The following GRID2 variants were observed in gnomAD, a reference collection of about 807,000 sequenced individuals.
The protein encoded by GRID2 is glutamate receptor ionotropic, delta-2.
Under a neutral mutation model 114.8 loss-of-function variants are expected in GRID2, and 33 were observed. The observed-to-expected ratio is 0.29, with a 90% CI of 0.22 to 0.38. GRID2 has a LOEUF of 0.38. GRID2 is among the 10% of genes least tolerant of loss of function. GRID2 has a pLI of 1.00. For synonymous variants in GRID2, 505 were observed against 449.9 expected (o/e 1.12, Z -1.55); for missense variants, 1,184 against 1,257.7 (o/e 0.94, Z 0.89).
chr4:93,188,587 A>G (rs2149444413), intron 4 of GRID2, among the ~76,000 whole-genome samples: 1 of 152,296 alleles, frequency 6.6e-6, no homozygotes, highest in Admixed American at 6.5e-5. Flanking sequence ...TATCAAATAC[A>G]AACAGTGGAA....
intron 5 of GRID2, among the ~76,000 whole-genome samples, chr4:93,208,549 A>G (rs951386048): frequency 2.0e-5 from 3 of 152,018 alleles, no homozygotes; most frequent in Non-Finnish European, 2.9e-5. Flanking sequence ...TATTCTCTGA[A>G]GTACTGAGGG....
At chr4:93,016,976 C>T (rs1007295061) in intron 2 of GRID2, among the ~76,000 whole-genome samples, 1 of 151,854 alleles carries the variant, frequency 6.6e-6, no homozygotes, top group Admixed American at 6.6e-5. Flanking sequence ...GGTAATTGCA[C>T]AGAAAAGATG....
chr4:92,687,785 C>T (rs1733985422), intron 2 of GRID2, among the ~76,000 whole-genome samples: 1 of 151,846 alleles, frequency 6.6e-6, no homozygotes, highest in African/African-American at 2.4e-5. Context: ...GCCAAGATTG[C>T]ACCACTGCAC....
chr4:93,152,696 G>A (rs774522857), intron 4 of GRID2, among the ~76,000 whole-genome samples: 2 of 152,028 alleles, frequency 1.3e-5, no homozygotes, highest in African/African-American at 2.4e-5. Context: ...GCTTTGCATG[G>A]CTAATTCTGA....
rs1437245226 is a variant in GRID2, at chr4:93,249,312, TC to T, written c.1245+10824del. Reference sequence around the variant, plus strand: ...GTTTGAAGTCAGGTAGCAAGATGCCTCCAGCTTTGTTCTTTTGGCTTAGGAT... The same window carrying T: ...GTTTGAAGTCAGGTAGCAAGATGCCTCAGCTTTGTTCTTTTGGCTTAGGAT... On this transcript the variant is annotated intron_variant, in intron 8 of 15. Transcript: ENST00000282020. Among the ~76,000 whole-genome samples the T allele has an allele frequency of 2.0e-5, 3 of 152,288 alleles. No homozygotes were observed. In the East Asian group the frequency reaches 5.8e-4, roughly 29 times the overall value.
At chr4:93,091,270 G>A (rs1375167530) in intron 3 of GRID2, among the ~76,000 whole-genome samples, 1 of 152,106 alleles carries the variant, frequency 6.6e-6, no homozygotes, top group Non-Finnish European at 1.5e-5. Context: ...AAGGTATTTA[G>A]AGGTATTGAC....
At chr4:93,094,419 C>T (rs1456791593) in intron 3 of GRID2, among the ~76,000 whole-genome samples, 2 of 151,828 alleles carry the variant, frequency 1.3e-5, no homozygotes, top group African/African-American at 4.8e-5. Flanking sequence ...AAAAGTCATT[C>T]TTTATTTTGG....
chr4:93,529,151 T>C (rs546327345), intron 13 of GRID2, among the ~76,000 whole-genome samples: 172 of 152,296 alleles, frequency 1.1e-3, no homozygotes, highest in African/African-American at 4.1e-3. Flanking sequence ...TATATGCTAT[T>C]AAGAATTGCC....
chr4:92,904,404 A>T (rs1440789639), intron 2 of GRID2, among the ~76,000 whole-genome samples: 1 of 151,558 alleles, frequency 6.6e-6, no homozygotes, highest in African/African-American at 2.4e-5. Context: ...TTTTGCACTC[A>T]CAGTTATTAC....
intron 1 of GRID2, among the ~76,000 whole-genome samples, chr4:92,347,781 T>C (rs898930655): frequency 1.3e-5 from 2 of 151,634 alleles, no homozygotes; most frequent in African/African-American, 4.8e-5. Context: ...AAGAACAGAG[T>C]TTTTCTGTTC....
intron 13 of GRID2, among the ~76,000 whole-genome samples, chr4:93,612,375 G>T (rs1277196158): frequency 6.7e-6 from 1 of 149,608 alleles, no homozygotes; most frequent in Non-Finnish European, 1.5e-5. Context: ...TGGTTATTTT[G>T]CTTGTTAGTT....
chr4:92,350,720 A>G (rs960355492), intron 1 of GRID2, among the ~76,000 whole-genome samples: 1 of 151,854 alleles, frequency 6.6e-6, no homozygotes, highest in Non-Finnish European at 1.5e-5. Context: ...TAAAATGTAT[A>G]CTGCAATGGT....
intron 8 of GRID2, among the ~76,000 whole-genome samples, chr4:93,316,459 A>G (rs1294092736): frequency 6.6e-6 from 1 of 152,120 alleles, no homozygotes; most frequent in Admixed American, 6.6e-5. Flanking sequence ...TCATCAGTGT[A>G]TTAGGAAATG....
intron 2 of GRID2, among the ~76,000 whole-genome samples, chr4:92,992,811 C>T (rs1214895022): frequency 6.6e-6 from 1 of 152,036 alleles, no homozygotes; most frequent in Admixed American, 6.6e-5. Context: ...ATTTGAGATG[C>T]CTTTCAGAAT....
intron 14 of GRID2, among the ~76,000 whole-genome samples, chr4:93,738,701 T>C (rs913085141): frequency 6.6e-6 from 1 of 152,054 alleles, no homozygotes; most frequent in Non-Finnish European, 1.5e-5. Flanking sequence ...GCAAATATAT[T>C]TAACCTGAGA....
At position 93,766,395 on chromosome 4, in the gene GRID2, A is replaced by G. The variant is rs1460892553; in HGVS notation, c.2361-2815A>G. On this transcript the variant is annotated intron_variant, in intron 14 of 15. Transcript: ENST00000282020. ...CAAAGGGGAAGCCCCTTATAAAACC[A>G]TCAGATCTCGTGAGACTCACTATCA... 4.6e-5 allele frequency among the ~76,000 whole-genome samples: 7 copies of G among 152,160 alleles called. 1 individual carries two copies. The highest frequency in any genetic ancestry group is 4.8e-5 in the African/African-American group (2 of 41,444).
At chr4:92,459,190 T>C (rs145898106) in intron 1 of GRID2, among the ~76,000 whole-genome samples, 80 of 152,284 alleles carry the variant, frequency 5.3e-4, no homozygotes, top group African/African-American at 1.6e-3. Context: ...GTAAGAAGTA[T>C]GAAGATCATT....
chr4:92,512,367 A>G (rs1051534684), intron 1 of GRID2, among the ~76,000 whole-genome samples: 2 of 151,846 alleles, frequency 1.3e-5, no homozygotes, highest in Admixed American at 6.6e-5. Flanking sequence ...GAGTTCATTC[A>G]AGTCTCTCCT....
intron 8 of GRID2, among the ~76,000 whole-genome samples, chr4:93,253,816 T>A (rs2149535840): frequency 6.6e-6 from 1 of 152,254 alleles, no homozygotes; most frequent in East Asian, 1.9e-4. Flanking sequence ...GCCTTATTTT[T>A]AAGATGCATA....
Sources: gnomAD v4.1 joint callset for allele counts (sites outside exome capture counted in the v4.1 genomes callset) on GRCh38, gnomAD v4.1.1 for gene constraint, MANE v1.5 for transcripts, NCBI Gene and HGNC (gene_info 2026-07-23, HGNC 2026-07-21) for gene names.